Variants in GABRG1 observed in about 807,000 individuals in gnomAD.
The protein encoded by GABRG1 is gamma-aminobutyric acid type A receptor subunit gamma1, also known as gamma-aminobutyric acid receptor subunit gamma-1.
Under a neutral mutation model 49.8 loss-of-function variants are expected in GABRG1, and 49 were observed. The observed-to-expected ratio is 0.98, with a 90% CI of 0.78 to 1.25. The LOEUF (loss-of-function observed/expected upper bound fraction) is 1.25. GABRG1 is among the 50% of genes most tolerant of loss of function. The probability of loss-of-function intolerance (pLI) is 0.00; values close to 1 mark genes in which losing one functional copy is unlikely to be tolerated. For missense variants in GABRG1, 552 were observed against 552.3 expected (o/e 1.00, Z 0.01); for synonymous variants, 232 against 185.1 (o/e 1.25, Z -2.06).
intron 3 of GABRG1, among the ~76,000 whole-genome samples, chr4:46,071,601 A>G (rs1044533671): frequency 2.2e-4 from 34 of 151,780 alleles, no homozygotes; most frequent in African/African-American, 7.7e-4. Context: ...AGCTTTATGC[A>G]TGTTATTGCC....
chr4:46,048,927 G>A (rs1577630555), intron 8 of GABRG1, among the ~76,000 whole-genome samples: 1 of 151,840 alleles, frequency 6.6e-6, no homozygotes, highest in East Asian at 1.9e-4. Context: ...TCTCAGTTAA[G>A]CAGTCAACAA....
At chr4:46,042,525 C>A (rs1474678196) in intron 8 of GABRG1, among the ~76,000 whole-genome samples, 1 of 151,844 alleles carries the variant, frequency 6.6e-6, no homozygotes, top group African/African-American at 2.4e-5. Context: ...TTGTTTTAAC[C>A]AGCTCTTACA....
chr4:46,112,549 G>A (rs1358445202), intron 1 of GABRG1, among the ~76,000 whole-genome samples: 1 of 151,306 alleles, frequency 6.6e-6, no homozygotes, highest in East Asian at 2.0e-4. Flanking sequence ...GTTCCATGCA[G>A]CACTGTTCAC....
At chr4:46,086,505 C>T (rs1577656169) in intron 2 of GABRG1, among the ~76,000 whole-genome samples, 1 of 151,326 alleles carries the variant, frequency 6.6e-6, no homozygotes, top group African/African-American at 2.4e-5. Flanking sequence ...TTTTTGGTCA[C>T]TTTTGTATAT....
intron 1 of GABRG1, among the ~76,000 whole-genome samples, chr4:46,118,429 A>T (rs1720999815): frequency 6.6e-6 from 1 of 150,812 alleles, no homozygotes; most frequent in Non-Finnish European, 1.5e-5. Flanking sequence ...AATTCTGAGT[A>T]GCAATTACAG....
At chr4:46,108,563 T>C (rs1720628871) in intron 1 of GABRG1, among the ~76,000 whole-genome samples, 1 of 151,022 alleles carries the variant, frequency 6.6e-6, no homozygotes, top group Non-Finnish European at 1.5e-5. Context: ...TATTAATCCT[T>C]ACCACTATCC....
At chr4:46,117,956 A>G (rs1170121536) in intron 1 of GABRG1, among the ~76,000 whole-genome samples, 2 of 47,314 alleles carry the variant, frequency 4.2e-5, no homozygotes, top group African/African-American at 1.5e-4. Context: ...ATGTGTATCT[A>G]TATACATATA....
intron 1 of GABRG1, among the ~76,000 whole-genome samples, chr4:46,101,002 A>G (rs1720362323): frequency 6.6e-6 from 1 of 151,602 alleles, no homozygotes; most frequent in Non-Finnish European, 1.5e-5. Context: ...TGGTGATTAA[A>G]AAGTACTTCA....
intron 3 of GABRG1, among the ~76,000 whole-genome samples, chr4:46,068,431 G>A (rs2109411315): frequency 6.6e-6 from 1 of 152,182 alleles, no homozygotes; most frequent in East Asian, 1.9e-4. Context: ...ATACTGCTTA[G>A]CAGCTGCAGG....
chr4:46,036,028 T>A lies in GABRG1; in HGVS notation c.*4960A>T, dbSNP rs1269291902. The A allele has an allele frequency of 6.6e-6, 1 of 151,958 alleles. No individual in the cohort carries two copies. The highest frequency in any genetic ancestry group is 2.4e-5 in the African/African-American group (1 of 41,428). 9.4% of individuals were successfully genotyped at this position (151,958 alleles called of 1,614,324 possible). On this transcript the variant is annotated 3_prime_UTR_variant, in exon 9 of 9. Coordinates refer to ENST00000295452, the MANE Select transcript of GABRG1 (RefSeq NM_173536.4). ...AGTGAAGGATTGAAAACCAAACTAT[T>A]TCCATTTAGGTAAATCATGTCTCAA...
intron 3 of GABRG1, among the ~76,000 whole-genome samples, chr4:46,069,903 CAG>C (rs1289699824): frequency 5.9e-5 from 9 of 151,934 alleles, no homozygotes; most frequent in Non-Finnish European, 1.2e-4. Flanking sequence ...GATTTCACGA[CAG>C]ATGTTGCATT....
At chr4:46,113,148 T>C (rs2109442172) in intron 1 of GABRG1, among the ~76,000 whole-genome samples, 1 of 151,264 alleles carries the variant, frequency 6.6e-6, no homozygotes, top group East Asian at 2.0e-4. Context: ...GCCCGGCTTA[T>C]TTGTTTCTCT....
intron 1 of GABRG1, among the ~76,000 whole-genome samples, chr4:46,101,133 T>C (rs1158344382): frequency 2.0e-5 from 3 of 151,586 alleles, no homozygotes; most frequent in African/African-American, 7.3e-5. Context: ...ACAGGTATGA[T>C]TTTTTAAAAA....
At chr4:46,076,718 C>T (rs1420345449) in intron 3 of GABRG1, among the ~76,000 whole-genome samples, 1 of 151,638 alleles carries the variant, frequency 6.6e-6, no homozygotes, top group East Asian at 2.0e-4. Flanking sequence ...CATTCTACAA[C>T]ATTCTATGAT....
intron 1 of GABRG1, among the ~76,000 whole-genome samples, chr4:46,118,675 T>C (rs1489144830): frequency 6.6e-6 from 1 of 151,132 alleles, no homozygotes; most frequent in African/African-American, 2.4e-5. Flanking sequence ...TGAGTAAATA[T>C]TGGTGGAATG....
chr4:46,053,416 A>C (rs1288267228), intron 7 of GABRG1, among the ~76,000 whole-genome samples: 5 of 145,718 alleles, frequency 3.4e-5, no homozygotes, highest in Non-Finnish European at 7.5e-5. Context: ...AGTTCTAACA[A>C]TGAATGAGAA....
intron 1 of GABRG1, among the ~76,000 whole-genome samples, chr4:46,097,862 T>G (rs1193739375): frequency 6.6e-6 from 1 of 151,810 alleles, no homozygotes; most frequent in Non-Finnish European, 1.5e-5. Context: ...ATGTTTGTTG[T>G]ACATACTGTT....
At chr4:46,082,717 T>G (rs1222987649) in intron 3 of GABRG1, among the ~76,000 whole-genome samples, 2 of 151,820 alleles carry the variant, frequency 1.3e-5, no homozygotes, top group Non-Finnish European at 2.9e-5. Context: ...CATTCCCTCC[T>G]TCTTTATCCT....
At chr4:46,103,850 T>A (rs1391166) in intron 1 of GABRG1, among the ~76,000 whole-genome samples, 89,486 of 150,948 alleles carry the variant, frequency 0.59, 27,690 homozygotes, top group African/African-American at 0.76. Context: ...GTTAGAATGA[T>A]ACAAAAAGTA....
Sources: allele counts gnomAD v4.1 joint callset (sites outside exome capture counted in the v4.1 genomes callset), GRCh38; gene constraint gnomAD v4.1.1; transcripts MANE v1.5; gene names NCBI Gene and HGNC (gene_info 2026-07-23, HGNC 2026-07-21).